ATXN7: variants seen among roughly 807,000 people sequenced by gnomAD.
ATXN7 encodes ataxin 7.
A neutral mutation model predicts 70.5 loss-of-function variants in ATXN7; 12 were observed. That is an observed-to-expected ratio of 0.17 (90% confidence interval 0.11 to 0.28). The LOEUF (loss-of-function observed/expected upper bound fraction) is 0.28, where lower values mean the gene tolerates loss of function less well. Ranked by LOEUF, ATXN7 falls within the 10% of genes least tolerant of loss-of-function variation. The pLI is 1.00. For missense variants in ATXN7, 1,256 were observed against 1,131.7 expected, an observed-to-expected ratio of 1.11 and a Z score of -1.58; for synonymous variants, 498 against 448.7, an observed-to-expected ratio of 1.11 and a Z score of -1.39.
chr3:63,992,997 C>T (rs1302397463), intron 11 of ATXN7, among the ~76,000 whole-genome samples: 4 of 152,158 alleles, frequency 2.6e-5, no homozygotes, highest in African/African-American at 7.2e-5. Context: ...CCCACCCTAC[C>T]GGCTCAGCCC....
intron 4 of ATXN7, among the ~76,000 whole-genome samples, chr3:63,943,111 T>A (rs2094087502): frequency 6.6e-6 from 1 of 152,222 alleles, no homozygotes; most frequent in South Asian, 2.1e-4. Flanking sequence ...GGGGCCTGCC[T>A]TAAATTGGGT....
At chr3:63,884,619 G>A (rs1324363455) in intron 1 of ATXN7, among the ~76,000 whole-genome samples, 1 of 151,856 alleles carries the variant, frequency 6.6e-6, no homozygotes, top group Non-Finnish European at 1.5e-5. Flanking sequence ...TCAAGGAGAT[G>A]GAACATCACT....
chr3:63,865,794 C>A (rs1251176887), intron 1 of ATXN7, among the ~76,000 whole-genome samples: 6 of 142,288 alleles, frequency 4.2e-5, no homozygotes, highest in African/African-American at 1.6e-4. Flanking sequence ...ACTTGGGAGG[C>A]TGAGGCAGGA....
rs770766898 is a variant in ATXN7, at chr3:63,979,962, A to C, written c.547A>C (p.Thr183Pro). Residue 183 changes from threonine (T) to proline (P), a missense_variant, in exon 6 of 13, where the codon ACT (threonine) becomes CCT (proline). Transcript: ENST00000674280. ...SSKPPLAVPP[T>P]SVFSFFPSLS... is the part of the protein sequence containing the mutation. ...CAAGCCGCCTTTGGCCGTTCCTCCC[A>C]CTTCAGTATTTTCCTTCTTCCCTTC... is the stretch of plus-strand genomic sequence containing the variant. The C allele has an allele frequency of 1.9e-6, 3 of 1,614,120 alleles. No individual in the cohort carries two copies. Among genetic ancestry groups the C allele is most frequent in the Non-Finnish European group, 2.5e-6 (3 of 1,180,032 alleles).
At chr3:63,935,713 C>A (rs1221143194) in intron 4 of ATXN7, among the ~76,000 whole-genome samples, 1 of 152,042 alleles carries the variant, frequency 6.6e-6, no homozygotes, top group Non-Finnish European at 1.5e-5. Flanking sequence ...CAGCTCAGGA[C>A]AACAAACAGT....
intron 4 of ATXN7, among the ~76,000 whole-genome samples, chr3:63,939,737 C>G (rs1403695681): frequency 2.0e-5 from 3 of 152,170 alleles, no homozygotes; most frequent in African/African-American, 4.8e-5. Flanking sequence ...TCCTCCCCAA[C>G]TCCACAGTAA....
intron 4 of ATXN7, among the ~76,000 whole-genome samples, chr3:63,940,285 T>TCACACACACACACA (rs34660611): frequency 6.4e-5 from 9 of 141,442 alleles, no homozygotes; most frequent in African/African-American, 2.1e-4. Context: ...CCATGCCCCA[T>TCACACACACACACA]CACACACACA....
chr3:63,978,633 T>C (rs1050365685), intron 5 of ATXN7, among the ~76,000 whole-genome samples: 12 of 152,274 alleles, frequency 7.9e-5, no homozygotes, highest in Non-Finnish European at 4.4e-5. Flanking sequence ...AAGGCACTTA[T>C]AAATCACTAT....
intron 1 of ATXN7, among the ~76,000 whole-genome samples, chr3:63,878,051 C>T (rs1373644463): frequency 6.6e-6 from 1 of 152,164 alleles, no homozygotes; most frequent in African/African-American, 2.4e-5. Flanking sequence ...AAAGATTTAT[C>T]TCAGGATGAA....
At chr3:63,996,821 G>C (rs151334646) in intron 12 of ATXN7, among the ~76,000 whole-genome samples, 134 of 152,272 alleles carry the variant, frequency 8.8e-4, no homozygotes, top group African/African-American at 3.1e-3. Context: ...CCAGTAATGT[G>C]TTATCCCAGT....
At chr3:63,966,570 C>T (rs1164730435) in intron 5 of ATXN7, among the ~76,000 whole-genome samples, 1 of 152,008 alleles carries the variant, frequency 6.6e-6, no homozygotes, top group Non-Finnish European at 1.5e-5. Context: ...TGTAAGGAAT[C>T]TGGGGGAAAA....
intron 11 of ATXN7, among the ~76,000 whole-genome samples, chr3:63,993,451 C>CA (rs571461104): frequency 0.017 from 2,021 of 117,090 alleles, 18 homozygotes; most frequent in Middle Eastern, 0.046. Context: ...GACTCCGTCT[C>CA]AAAAAAAAAA....
chr3:63,897,379 A>G (rs1180211378), intron 1 of ATXN7, among the ~76,000 whole-genome samples: 8 of 152,186 alleles, frequency 5.3e-5, no homozygotes, highest in African/African-American at 1.9e-4. Context: ...AGGGAGAGGG[A>G]AGCAGTATGA....
chr3:63,899,509 C>T (rs1423779549), intron 2 of ATXN7, among the ~76,000 whole-genome samples: 4 of 152,100 alleles, frequency 2.6e-5, no homozygotes, highest in Non-Finnish European at 5.9e-5. Flanking sequence ...CAGTGGCTCA[C>T]ACCTGTAATC....
chr3:63,891,394 C>T (rs968999559), intron 1 of ATXN7, among the ~76,000 whole-genome samples: 2 of 152,084 alleles, frequency 1.3e-5, no homozygotes, highest in East Asian at 3.9e-4. Context: ...TCATAGCTCA[C>T]TGCAGCCTTG....
chr3:63,863,667 C>T (rs1271239372), upstream of ATXN7: 37 of 1,228,596 alleles, frequency 3.0e-5, no homozygotes, highest in Admixed American at 4.3e-5. Flanking sequence ...GCGAAGAGGC[C>T]GGGGAGGCCG....
intron 2 of ATXN7, chr3:63,904,570 G>A (rs1204965064): frequency 6.6e-6 from 1 of 152,238 alleles, no homozygotes; most frequent in Non-Finnish European, 1.5e-5. Flanking sequence ...GGGATTATAG[G>A]TGTGAGCCAC....
At chr3:63,913,600 A>G (rs993679072) in intron 4 of ATXN7, among the ~76,000 whole-genome samples, 6 of 152,216 alleles carry the variant, frequency 3.9e-5, no homozygotes, top group Non-Finnish European at 5.9e-5. Flanking sequence ...TCTGTTGGCA[A>G]TCGAAACGAA....
At chr3:63,962,057 G>C (rs1334242849) in intron 5 of ATXN7, among the ~76,000 whole-genome samples, 1 of 152,066 alleles carries the variant, frequency 6.6e-6, no homozygotes, top group African/African-American at 2.4e-5. Flanking sequence ...CTACCTGACT[G>C]GAATAATTCC....
Sources: gnomAD v4.1 joint callset for allele counts (sites outside exome capture counted in the v4.1 genomes callset) on GRCh38, gnomAD v4.1.1 for gene constraint, MANE v1.5 for transcripts, NCBI Gene and HGNC (gene_info 2026-07-23, HGNC 2026-07-21) for gene names.